PRMT1: variants seen among roughly 807,000 people sequenced by gnomAD.
PRMT1 encodes the protein protein arginine methyltransferase 1, also known as protein arginine N-methyltransferase 1.
PRMT1 carries 5 observed loss-of-function variants against 47.4 expected under a neutral mutation model. That is an observed-to-expected ratio of 0.11 (90% confidence interval 0.06 to 0.22). The LOEUF is 0.22. Among genes scored for constraint, PRMT1 ranks in the 10% least tolerant of loss-of-function variants. PRMT1 has a pLI of 1.00. For missense variants in PRMT1, 249 were observed against 518.4 expected, an observed-to-expected ratio of 0.48 and a Z score of 5.05; for synonymous variants, 227 against 204.6, an observed-to-expected ratio of 1.11 and a Z score of -0.94.
At position 49,685,110 on chromosome 19, in the gene PRMT1, G is replaced by A. The variant is rs985311310; in HGVS notation, c.759+73G>A. On this transcript the variant is annotated intron_variant, in intron 8 of 10. Transcript: ENST00000454376. This position sits in a 1 kb window ranked among gnomAD's most constrained non-coding sequence, Gnocchi z 4.7. ...GAGGCCATCACCTGGCCCTGGCATG[G>A]GACTTTGGGGCCCAGAATGTTGGCC... 1 of 1,598,902 alleles carries A rather than the reference G, an allele frequency of 6.3e-7. No homozygotes were observed. Among genetic ancestry groups the A allele is most frequent in the Non-Finnish European group, 8.5e-7 (1 of 1,172,712 alleles).
rs1483336729 is a variant in PRMT1, at chr19:49,685,059, G to C, written c.759+22G>C. On this transcript the variant is annotated intron_variant, in intron 8 of 10. Transcript: ENST00000454376. The surrounding 1 kb of genome is among the most constrained non-coding windows in gnomAD (Gnocchi z 4.7). The stretch of plus-strand genomic sequence containing the variant: ...AAAGGTGAGGGGGTGGGCATGGCCA[G>C]GTGCCCCCTGGGTTGAAACCAAAGA... The C allele has an allele frequency of 3.1e-6, 5 of 1,614,056 alleles. No homozygotes were observed. Among genetic ancestry groups the C allele is most frequent in the Non-Finnish European group, 4.2e-6 (5 of 1,179,960 alleles).
Position 49,684,540 on chromosome 19 carries a change from G to A in PRMT1, c.556-214G>A, listed in dbSNP as rs1284698671. On this transcript the variant is annotated intron_variant, in intron 6 of 10. Coordinates refer to ENST00000454376, the MANE Select transcript of PRMT1 (RefSeq NM_001536.6). The surrounding 1 kb of genome is among the most constrained non-coding windows in gnomAD (Gnocchi z 6.2). Reference sequence around the variant, plus strand: ...CTCTCAGAGCAGCTAGGGAGGGTCTGAGGATCCCCAGAACCTCCAAGGGCC... The same window carrying A: ...CTCTCAGAGCAGCTAGGGAGGGTCTAAGGATCCCCAGAACCTCCAAGGGCC... Among the ~76,000 whole-genome samples, 1 of 152,208 alleles carries A rather than the reference G, an allele frequency of 6.6e-6. No homozygotes were observed. The highest frequency in any genetic ancestry group is 2.4e-5 in the African/African-American group (1 of 41,458).
chr19:49,677,199 C>A (rs950581046), upstream of PRMT1: 15 of 1,309,538 alleles, frequency 1.1e-5, no homozygotes, highest in Admixed American at 3.0e-5. Context: ...GGGCCGTGGA[C>A]CCTCTGGTAT....
chr19:49,680,113 C>A lies in PRMT1; in HGVS notation c.90+188C>A. Reference sequence around the variant, plus strand: ...CCCCGCTGGCCTCCCCCAGTATCGCCGCTACTTCCTTAACTCCACCTCCAA... The same window carrying A: ...CCCCGCTGGCCTCCCCCAGTATCGCAGCTACTTCCTTAACTCCACCTCCAA... On this transcript the variant is annotated intron_variant, in intron 2 of 10. Coordinates refer to ENST00000454376, the MANE Select transcript of PRMT1 (RefSeq NM_001536.6). The surrounding 1 kb of genome is among the most constrained non-coding windows in gnomAD (Gnocchi z 4.2). The A allele has an allele frequency of 2.6e-6, 3 of 1,152,016 alleles. No homozygotes were observed. The highest frequency in any genetic ancestry group is 1.4e-5 in the South Asian group (1 of 73,848). The allele number at this position is 1,152,016 out of a possible 1,614,324, so 71.4% of individuals were successfully genotyped here.
At chr19:49,678,436 T>C (rs2082069114) in intron 1 of PRMT1, among the ~76,000 whole-genome samples, 1 of 152,110 alleles carries the variant, frequency 6.6e-6, no homozygotes, top group East Asian at 1.9e-4. Flanking sequence ...TGGGGTTGTC[T>C]GGCGGTAGTT....
chr19:49,679,772 G>A, intron 1 of PRMT1, 100 bp from the exon 2 acceptor site: 1 of 835,876 alleles, frequency 1.2e-6, no homozygotes, highest in Non-Finnish European at 2.0e-6. Flanking sequence ...AAGGAGAATT[G>A]CTGGAAACCC....
intron 1 of PRMT1, chr19:49,678,364 G>A (rs1166294236): frequency 5.2e-5 from 8 of 152,382 alleles, no homozygotes; most frequent in African/African-American, 1.9e-4. Context: ...TTCGAGTGAG[G>A]TTTGGTTCTC....
rs759158898 is a variant in PRMT1, at chr19:49,684,996, G to A, written c.718G>A (p.Val240Met). ...CATTAAGGAGCCCCTAGTGGATGTC[G>A]TGGACCCCAAACAGCTGGTCACCAA... is the stretch of plus-strand genomic sequence containing the variant. ...VAIKEPLVDVVDPKQLVTNAC... is the reference protein window; with the variant it reads ...VAIKEPLVDVMDPKQLVTNAC... The change falls in exon 8 of 11, where the codon GTG becomes ATG. Residue 240 changes from valine (V) to methionine (M), a missense_variant. Transcript: ENST00000454376. This position sits in a 1 kb window ranked among gnomAD's most constrained non-coding sequence, Gnocchi z 6.2. 1.2e-6 allele frequency: 2 copies of A among 1,612,452 alleles called. No individual in the cohort carries two copies. Among genetic ancestry groups the A allele is most frequent in the Non-Finnish European group, 1.7e-6 (2 of 1,178,974 alleles).
chr19:49,677,918 C>G (rs975356616), intron 1 of PRMT1, among the ~76,000 whole-genome samples: 29 of 151,346 alleles, frequency 1.9e-4, no homozygotes, highest in Non-Finnish European at 3.4e-4. Context: ...GGAGGAAAAC[C>G]AAGAATGGGG....
chr19:49,682,931 G>T (rs550228779), intron 5 of PRMT1, among the ~76,000 whole-genome samples: 1 of 151,858 alleles, frequency 6.6e-6, no homozygotes, highest in African/African-American at 2.4e-5. Flanking sequence ...GATTACAGGC[G>T]CCAGCCACCA....
intron 10 of PRMT1, among the ~76,000 whole-genome samples, chr19:49,687,513 C>T (rs978012919): frequency 1.8e-4 from 27 of 146,462 alleles, no homozygotes; most frequent in Middle Eastern, 7.1e-3. Context: ...CTCCGCTCCC[C>T]GCCCCCCCCC....
chr19:49,688,108 C>G lies in PRMT1; in HGVS notation c.1033-54C>G, dbSNP rs551911701. 78 of 1,512,750 alleles carry G rather than the reference C, an allele frequency of 5.2e-5. No homozygotes were observed. The African/African-American group carries it at 9.6e-4, about 19-fold the overall frequency. 93.7% of individuals were successfully genotyped at this position (1,512,750 alleles called of 1,614,324 possible). On this transcript the variant is annotated intron_variant, in intron 10 of 10. Transcript: ENST00000454376. This position sits in a 1 kb window ranked among gnomAD's most constrained non-coding sequence, Gnocchi z 5.3. Reference sequence around the variant, plus strand: ...GTCGCATAGCCTGCCTGCACCCGCCCCCCGCCACCACCTCCTGGTGGGTTC... The same window carrying G: ...GTCGCATAGCCTGCCTGCACCCGCCGCCCGCCACCACCTCCTGGTGGGTTC...
intron 5 of PRMT1, among the ~76,000 whole-genome samples, chr19:49,683,368 CTTA>C (rs369372117): frequency 2.6e-5 from 4 of 152,120 alleles, no homozygotes; most frequent in African/African-American, 4.8e-5. Context: ...CATGCTGTTA[CTTA>C]TTATATCAAA....
intron 10 of PRMT1, chr19:49,687,721 CG>C (rs899179415): frequency 1.3e-4 from 27 of 215,574 alleles, no homozygotes; most frequent in Non-Finnish European, 2.5e-4. Flanking sequence ...GAGGAGTCCT[CG>C]GGCGTTGGTG....
At position 49,684,789 on chromosome 19, in the gene PRMT1, G is replaced by C. The variant is rs138444838; in HGVS notation, c.591G>C (p.Thr197=). The part of the protein sequence containing the change: ...PDGLIFPDRA[T]LYVTAIEDRQ... ...GCCTCATCTTCCCAGACCGGGCCAC[G>C]CTGTATGTGACGGCCATCGAGGACC... The change falls in exon 7 of 11, where the codon ACG becomes ACC. Residue 197 remains threonine, a synonymous_variant. Coordinates refer to ENST00000454376, the MANE Select transcript of PRMT1 (RefSeq NM_001536.6). This position sits in a 1 kb window ranked among gnomAD's most constrained non-coding sequence, Gnocchi z 6.2. 13,417 of 1,576,640 alleles carry C rather than the reference G, an allele frequency of 8.5e-3. 92 individuals are homozygous for C. Among genetic ancestry groups the C allele is most frequent in the Non-Finnish European group, 0.01 (12,106 of 1,161,066 alleles).
At position 49,680,346 on chromosome 19, in the gene PRMT1, G is replaced by T; in HGVS notation, c.91-141G>T. ...TTTGGGGTTCCTGGGGGGGCAAGAT[G>T]GCAGGCGGGGGCTGTAGGGTTGTCA... On this transcript the variant is annotated intron_variant, in intron 2 of 10. Transcript: ENST00000454376. The surrounding 1 kb of genome is among the most constrained non-coding windows in gnomAD (Gnocchi z 4.2). 9.5e-7 allele frequency: 1 copy of T among 1,051,472 alleles called. No individual in the cohort carries two copies. The allele number at this position is 1,051,472 out of a possible 1,614,324, so 65.1% of individuals were successfully genotyped here.
In PRMT1 at chr19:49,681,114, A is replaced by G. The variant is rs1339819390; in HGVS notation, c.192+526A>G. ...GCCCAGGCTAGAGTGCATTGGTGCA[A>G]TCATGGCTCACTGCAGCCTCGACCT... On this transcript the variant is annotated intron_variant, in intron 3 of 10. Transcript: ENST00000454376. The surrounding 1 kb of genome is among the most constrained non-coding windows in gnomAD (Gnocchi z 4.4). Among the ~76,000 whole-genome samples, 1 of 152,198 alleles carries G rather than the reference A, an allele frequency of 6.6e-6. No individual in the cohort carries two copies. The highest frequency in any genetic ancestry group is 1.5e-5 in the Non-Finnish European group (1 of 68,032).
chr19:49,682,891 T>G (rs1219989025), intron 5 of PRMT1, among the ~76,000 whole-genome samples: 1 of 151,272 alleles, frequency 6.6e-6, no homozygotes, highest in African/African-American at 2.4e-5. Context: ...GTTCAAGTGA[T>G]TCTCCTGCCT....
Position 49,681,795 on chromosome 19 carries a change from T to TG in PRMT1, c.193-114dup. 2 of 781,242 alleles carry TG rather than the reference T, an allele frequency of 2.6e-6. No individual in the cohort carries two copies. Among genetic ancestry groups the TG allele is most frequent in the Non-Finnish European group, 3.7e-6 (2 of 535,164 alleles). 48.4% of individuals were successfully genotyped at this position (781,242 alleles called of 1,614,324 possible). On this transcript the variant is annotated intron_variant, in intron 3 of 10. Coordinates refer to ENST00000454376, the MANE Select transcript of PRMT1 (RefSeq NM_001536.6). The surrounding 1 kb of genome is among the most constrained non-coding windows in gnomAD (Gnocchi z 4.4). The stretch of plus-strand genomic sequence containing the variant: ...AATAAATATAAAAGGGAAACTGAGG[T>TG]GCATGGAAGAAAGCGAGAGGGCCGA...
Sources: gnomAD v4.1 joint callset for allele counts (sites outside exome capture counted in the v4.1 genomes callset) on GRCh38, gnomAD v4.1.1 for gene constraint, Gnocchi (gnomAD v3.1) non-coding constraint, MANE v1.5 for transcripts, NCBI Gene and HGNC (gene_info 2026-07-23, HGNC 2026-07-21) for gene names.